Variants in PPP6R2 observed in about 807,000 individuals in gnomAD.
The protein encoded by PPP6R2 is serine/threonine-protein phosphatase 6 regulatory subunit 2.
Under a neutral mutation model 100.2 loss-of-function variants are expected in PPP6R2, and 62 were observed. The ratio of observed to expected loss-of-function variants is 0.62; its 90% CI spans 0.50 to 0.76. The LOEUF (loss-of-function observed/expected upper bound fraction) is 0.76. PPP6R2 is among the 30% of genes least tolerant of loss of function. The pLI, the probability that PPP6R2 is intolerant of heterozygous loss-of-function variation, is 0.00. For missense variants in PPP6R2, 1,142 were observed against 1,276.3 expected, an observed-to-expected ratio of 0.89 and a Z score of 1.60; for synonymous variants, 525 against 514.7, an observed-to-expected ratio of 1.02 and a Z score of -0.27.
intron 8 of PPP6R2, among the ~76,000 whole-genome samples, chr22:50,421,011 G>T (rs1489056616): frequency 6.6e-6 from 1 of 152,174 alleles, no homozygotes; most frequent in Non-Finnish European, 1.5e-5. Context: ...CTTTTTTAAA[G>T]TGAAAGAAAA....
chr22:50,394,673 G>A (rs967501661), intron 3 of PPP6R2, among the ~76,000 whole-genome samples: 38 of 149,782 alleles, frequency 2.5e-4, no homozygotes, highest in Middle Eastern at 3.6e-3. Context: ...TTGGGAGGCC[G>A]AAGCAGGCAG....
chr22:50,395,600 G>A (rs1603121653), intron 3 of PPP6R2, among the ~76,000 whole-genome samples: 1 of 152,074 alleles, frequency 6.6e-6, no homozygotes, highest in African/African-American at 2.4e-5. Context: ...TCACTCCATC[G>A]CCCAGGCTGG....
the PPP6R2 span, among the ~76,000 whole-genome samples, chr22:50,334,146 C>A: frequency 1.3e-5 from 2 of 152,244 alleles, no homozygotes; most frequent in Non-Finnish European, 2.9e-5. Context: ...ATCACAGAGA[C>A]GTTTAGGCCT....
intron 4 of PPP6R2, among the ~76,000 whole-genome samples, chr22:50,411,820 C>T (rs1215154429): frequency 2.0e-5 from 3 of 151,838 alleles, no homozygotes; most frequent in African/African-American, 7.3e-5. Flanking sequence ...CCGAGGCGGG[C>T]GGATCACAAG....
chr22:50,426,432 T>C (rs962167938), intron 10 of PPP6R2, among the ~76,000 whole-genome samples: 11 of 152,216 alleles, frequency 7.2e-5, no homozygotes, highest in Non-Finnish European at 1.3e-4. Context: ...TTCTCTCTTA[T>C]GTTTAGGTCT....
At position 50,440,111 on chromosome 22, in the gene PPP6R2, GC is replaced by G. The variant is rs2148387400; in HGVS notation, c.2374+68del. 10 of 1,468,858 alleles carry G rather than the reference GC, an allele frequency of 6.8e-6. No homozygotes were observed. The East Asian group carries it at 6.9e-5, about 10-fold the overall frequency. The allele number at this position is 1,468,858 out of a possible 1,614,324, so 91.0% of individuals were successfully genotyped here. On this transcript the variant is annotated intron_variant, in intron 21 of 23. Coordinates refer to ENST00000612753, the MANE Select transcript of PPP6R2 (RefSeq NM_001242898.2). ...CCAGTTTAAGGCCTGAGGCCAGCTG[GC>G]CCCCCTCCTTGGGGGCAGTGGGAGG...
chr22:50,431,119 A>C lies in PPP6R2; in HGVS notation c.1126-54A>C. On this transcript the variant is annotated intron_variant, in intron 10 of 23. Transcript: ENST00000612753. The surrounding 1 kb of genome is among the most constrained non-coding windows in gnomAD (Gnocchi z 4.8). ...AGGGTTTCCCTCAGCTTTGTGGTGT[A>C]GCCGGCAGGAGAAAACCGATCTAAG... 1 of 1,424,534 alleles carries C rather than the reference A, an allele frequency of 7.0e-7. No homozygotes were observed. The highest frequency in any genetic ancestry group is 9.8e-7 in the Non-Finnish European group (1 of 1,018,120). 88.2% of individuals were successfully genotyped at this position (1,424,534 alleles called of 1,614,324 possible). A position where few individuals can be genotyped will look rare whatever the true frequency, so the allele number is the denominator to read the frequency against.
chr22:50,362,607 G>T (rs1202936918), intron 1 of PPP6R2, among the ~76,000 whole-genome samples: 1 of 152,170 alleles, frequency 6.6e-6, no homozygotes, highest in African/African-American at 2.4e-5. Flanking sequence ...GTCCACCCCA[G>T]ATTCCTATGT....
intron 6 of PPP6R2, among the ~76,000 whole-genome samples, chr22:50,417,592 A>G (rs1161265719): frequency 6.6e-6 from 1 of 152,126 alleles, no homozygotes; most frequent in African/African-American, 2.4e-5. Context: ...TGAGGCCTTC[A>G]CCGCTGCCTG....
chr22:50,355,965 C>G (rs2046458204), intron 1 of PPP6R2, among the ~76,000 whole-genome samples: 1 of 137,742 alleles, frequency 7.3e-6, no homozygotes. Context: ...GTGTATTTCC[C>G]TCTTTTTTTT....
At chr22:50,374,911 CAAAAAA>C (rs60035779) in intron 2 of PPP6R2, among the ~76,000 whole-genome samples, 11 of 80,986 alleles carry the variant, frequency 1.4e-4, no homozygotes, top group African/African-American at 5.2e-4. Context: ...GACTCTGTCT[CAAAAAA>C]AAAAAAAAAA....
At chr22:50,339,913 TG>T (rs2042352803), upstream of PPP6R2, among the ~76,000 whole-genome samples, 2 of 120,790 alleles carry the variant, frequency 1.7e-5, no homozygotes, top group African/African-American at 6.2e-5. Context: ...GTGTGGTATG[TG>T]GTGTGTGTGT....
In PPP6R2 at chr22:50,439,967, G is replaced by A; in HGVS notation, c.2292G>A (p.Glu764=). Residue 764 remains glutamate (E), a synonymous_variant, in exon 21 of 24, where the codon GAG becomes GAA. Coordinates refer to ENST00000612753, the MANE Select transcript of PPP6R2 (RefSeq NM_001242898.2). The part of the protein sequence containing the change: ...FTDFQPFCCS[E]SGPRCSSPVD... The stretch of plus-strand genomic sequence containing the variant: ...TCCTCGTCCTTGTATGCAGCTCCGA[G>A]TCAGGGCCCAGGTGCAGCTCTCCGG... 1 of 1,613,584 alleles carries A rather than the reference G, an allele frequency of 6.2e-7. No homozygotes were observed. The highest frequency in any genetic ancestry group is 8.5e-7 in the Non-Finnish European group (1 of 1,179,930).
chr22:50,417,324 C>T (rs1569458183), intron 6 of PPP6R2, among the ~76,000 whole-genome samples: 1 of 152,124 alleles, frequency 6.6e-6, no homozygotes, highest in Non-Finnish European at 1.5e-5. Context: ...GCTCTTTAGA[C>T]CTGGGTGGCT....
At chr22:50,437,484 T>TTCC in intron 15 of PPP6R2, 22 bp from the exon 16 acceptor site, 2 of 542,130 alleles carry the variant, frequency 3.7e-6, no homozygotes, top group African/African-American at 2.2e-5. Context: ...TGTCCGTCCC[T>TTCC]CCCTCCCTCC....
chr22:50,414,340 C>G (rs979019797), intron 4 of PPP6R2, among the ~76,000 whole-genome samples: 2 of 59,038 alleles, frequency 3.4e-5, no homozygotes, highest in Non-Finnish European at 5.5e-5. Flanking sequence ...GGCCCCCCCC[C>G]CCCCCCCCCC....
chr22:50,398,521 T>C (rs2057489653), intron 3 of PPP6R2, among the ~76,000 whole-genome samples: 1 of 149,424 alleles, frequency 6.7e-6, no homozygotes, highest in South Asian at 2.1e-4. Flanking sequence ...AAGACTTTTT[T>C]TTTTTTTTTT....
intron 2 of PPP6R2, among the ~76,000 whole-genome samples, chr22:50,387,946 A>C (rs2054581441): frequency 6.6e-6 from 1 of 152,142 alleles, no homozygotes; most frequent in Non-Finnish European, 1.5e-5. Flanking sequence ...AAGGCATGAG[A>C]GATCATGTGA....
At chr22:50,438,457 G>C in intron 18 of PPP6R2, 142 bp from the exon 19 acceptor site, 2 of 1,435,624 alleles carry the variant, frequency 1.4e-6, no homozygotes, top group Non-Finnish European at 1.9e-6. Context: ...AAGGAGCCCA[G>C]AGCTGAGGCC....
Sources: gnomAD v4.1 joint callset for allele counts (sites outside exome capture counted in the v4.1 genomes callset) on GRCh38, gnomAD v4.1.1 for gene constraint, Gnocchi (gnomAD v3.1) non-coding constraint, MANE v1.5 for transcripts, NCBI Gene and HGNC (gene_info 2026-07-23, HGNC 2026-07-21) for gene names.